The following GSAP variants were observed in gnomAD, a reference collection of about 807,000 sequenced individuals.
The protein encoded by GSAP is gamma-secretase-activating protein.
In GSAP, 118 loss-of-function variants were observed where a neutral mutation model predicts 131.7. The ratio of observed to expected loss-of-function variants is 0.90; its 90% CI spans 0.77 to 1.04. The LOEUF is 1.04. GSAP is among the 50% of genes least tolerant of loss of function. The pLI, the probability that GSAP is intolerant of heterozygous loss-of-function variation, is 0.00. For synonymous variants in GSAP, 381 were observed against 363.4 expected (o/e 1.05, Z -0.55); for missense variants, 1,019 against 1,013.2 (o/e 1.01, Z -0.08).
At position 77,362,573 on chromosome 7, in the gene GSAP, T is replaced by A; in HGVS notation, c.949+10A>T. 7.0e-7 allele frequency: 1 copy of A among 1,427,840 alleles called. No individual in the cohort carries two copies. Among genetic ancestry groups the A allele is most frequent in the Non-Finnish European group, 9.9e-7 (1 of 1,012,946 alleles). The allele number at this position is 1,427,840 out of a possible 1,614,324, so 88.4% of individuals were successfully genotyped here. A position where few individuals can be genotyped will look rare whatever the true frequency, so the allele number is the denominator to read the frequency against. On this transcript the variant is annotated intron_variant, in intron 13 of 30. Transcript: ENST00000257626. Reference sequence around the variant, plus strand: ...TTATGTAAAAGTAACAAAGAAGACATGAAAAGTACCTTTATGAATGTAAAA... The same window carrying A: ...TTATGTAAAAGTAACAAAGAAGACAAGAAAAGTACCTTTATGAATGTAAAA...
At position 77,353,925 on chromosome 7, in the gene GSAP, T is replaced by C. The variant is rs764828423; in HGVS notation, c.1339-284A>G. On this transcript the variant is annotated intron_variant, in intron 16 of 30. Transcript: ENST00000257626. ...CTAACGTTTGTGCAAGAATAGGTCATGTTATAGCAAAGCACCAGTGGAAAG... is the reference window on the plus strand; with the variant it reads ...CTAACGTTTGTGCAAGAATAGGTCACGTTATAGCAAAGCACCAGTGGAAAG... Among the ~76,000 whole-genome samples the C allele has an allele frequency of 7.9e-5, 12 of 152,250 alleles. No homozygotes were observed. In the Middle Eastern group the frequency reaches 0.01, roughly 129 times the overall value.
intron 3 of GSAP, among the ~76,000 whole-genome samples, chr7:77,401,189 T>C: frequency 6.6e-6 from 1 of 152,050 alleles, no homozygotes; most frequent in Non-Finnish European, 1.5e-5. Context: ...CAAGAAATAT[T>C]GGCTAATGAC....
At chr7:77,396,090 A>C (rs907835687) in intron 5 of GSAP, among the ~76,000 whole-genome samples, 2 of 152,218 alleles carry the variant, frequency 1.3e-5, no homozygotes, top group Non-Finnish European at 2.9e-5. Context: ...AGCCAGTTCC[A>C]CTGGACTTGC....
chr7:77,369,274 T>C, intron 12 of GSAP, among the ~76,000 whole-genome samples: 1 of 152,198 alleles, frequency 6.6e-6, no homozygotes, highest in East Asian at 1.9e-4. Context: ...TAGTAAGATA[T>C]GCTTTCAATG....
intron 6 of GSAP, among the ~76,000 whole-genome samples, chr7:77,385,243 A>C (rs1798391056): frequency 6.6e-6 from 1 of 152,110 alleles, no homozygotes; most frequent in Admixed American, 6.5e-5. Context: ...CACGTTGGCC[A>C]GGCTGGTCTC....
At chr7:77,333,953 C>T (rs555496232) in intron 19 of GSAP, among the ~76,000 whole-genome samples, 2 of 152,288 alleles carry the variant, frequency 1.3e-5, no homozygotes, top group Non-Finnish European at 2.9e-5. Flanking sequence ...AATAGAAATG[C>T]TTTCACACTG....
intron 19 of GSAP, among the ~76,000 whole-genome samples, chr7:77,334,914 C>G (rs1367547117): frequency 1.3e-5 from 2 of 151,656 alleles, no homozygotes; most frequent in African/African-American, 4.8e-5. Context: ...GAAACCCCGT[C>G]TCTACTAAAA....
At chr7:77,317,456 ACATGG>A (rs2150598367) in intron 26 of GSAP, among the ~76,000 whole-genome samples, 1 of 152,304 alleles carries the variant, frequency 6.6e-6, no homozygotes, top group South Asian at 2.1e-4. Context: ...CAGCAAACCA[ACATGG>A]CACATGTATA....
intron 4 of GSAP, 124 bp downstream of exon 4, chr7:77,397,222 A>G: frequency 2.7e-6 from 2 of 741,540 alleles, no homozygotes; most frequent in Non-Finnish European, 4.5e-6. Flanking sequence ...TAACTTCTCA[A>G]GAACATTTCT....
Position 77,406,045 on chromosome 7 carries a change from A to G in GSAP, c.170T>C (p.Ile57Thr), listed in dbSNP as rs192890969. 36 of 1,017,626 alleles carry G rather than the reference A, an allele frequency of 3.5e-5. No homozygotes were observed. The highest frequency in any genetic ancestry group is 4.6e-5 in the Non-Finnish European group (34 of 738,440). 63.0% of individuals were successfully genotyped at this position (1,017,626 alleles called of 1,614,324 possible). A position where few individuals can be genotyped will look rare whatever the true frequency, so the allele number is the denominator to read the frequency against. ...TAGACATACCTTATAGGTATAAATAATATTTCCATTTCTTTCAACATTTAA... is the reference window on the plus strand; with the variant it reads ...TAGACATACCTTATAGGTATAAATAGTATTTCCATTTCTTTCAACATTTAA... The part of the protein sequence containing the change: ...HVLNVERNGN[I>T]IYTYKDDKGN... Residue 57 changes from isoleucine (I) to threonine (T), a missense_variant, in exon 2 of 31, where the codon ATT becomes ACT. Physicochemically the swap from Ile to Thr is moderately conservative, Grantham distance 89 (BLOSUM62 -1). Coordinates refer to ENST00000257626, the MANE Select transcript of GSAP (RefSeq NM_017439.4).
intron 6 of GSAP, among the ~76,000 whole-genome samples, chr7:77,383,811 C>T (rs1798133740): frequency 6.6e-6 from 1 of 152,208 alleles, no homozygotes. Context: ...AAGGGCACAA[C>T]TTTTATGTCC....
chr7:77,311,454 A>G lies in GSAP; in HGVS notation c.2474-5T>C, dbSNP rs548724987. On this transcript the variant is annotated splice_polypyrimidine_tract_variant and splice_region_variant and intron_variant, in intron 30 of 30. Coordinates refer to ENST00000257626, the MANE Select transcript of GSAP (RefSeq NM_017439.4). The stretch of plus-strand genomic sequence containing the variant: ...GTCCTTCAAAAGGATACAGGGCTGG[A>G]AAAAAATGGGGAGAGGGCAGGGAAA... 28 of 1,553,922 alleles carry G rather than the reference A, an allele frequency of 1.8e-5. No homozygotes were observed. The East Asian group carries it at 4.3e-4, about 24-fold the overall frequency.
chr7:77,324,653 T>G (rs1788083460), intron 23 of GSAP, among the ~76,000 whole-genome samples: 1 of 152,180 alleles, frequency 6.6e-6, no homozygotes, highest in African/African-American at 2.4e-5. Context: ...TAAAAGATGC[T>G]TTCTGTGTAA....
chr7:77,364,478 C>A (rs6970534), intron 12 of GSAP, among the ~76,000 whole-genome samples: 5,505 of 134,928 alleles, frequency 0.041, 346 homozygotes, highest in African/African-American at 0.14. Flanking sequence ...ACAATGAGAA[C>A]ACATGGACAC....
chr7:77,391,886 T>C (rs925861943), intron 5 of GSAP, among the ~76,000 whole-genome samples: 1 of 151,992 alleles, frequency 6.6e-6, no homozygotes, highest in African/African-American at 2.4e-5. Flanking sequence ...ACTTCTACAA[T>C]CCCTTTCAGC....
intron 3 of GSAP, among the ~76,000 whole-genome samples, chr7:77,398,700 C>A (rs953521579): frequency 4.4e-4 from 67 of 151,982 alleles, no homozygotes; most frequent in Admixed American, 4.4e-3. Flanking sequence ...CCCAGGAGGT[C>A]AAGACTGCTG....
At chr7:77,399,658 C>G (rs1265516005) in intron 3 of GSAP, among the ~76,000 whole-genome samples, 1 of 151,296 alleles carries the variant, frequency 6.6e-6, no homozygotes, top group African/African-American at 2.4e-5. Flanking sequence ...ACACTGCTTC[C>G]CATTTGCATA....
At chr7:77,363,091 T>C (rs556781467) in intron 12 of GSAP, among the ~76,000 whole-genome samples, 45 of 152,352 alleles carry the variant, frequency 3.0e-4, no homozygotes, top group African/African-American at 9.9e-4. Flanking sequence ...CTCTAGTTTA[T>C]CTTGATTGAA....
chr7:77,312,122 C>G lies in GSAP; in HGVS notation c.2352G>C (p.Leu784=). ...NIISRNHVTR[L]LQNYKKQPRN... is the part of the protein sequence containing the mutation. ...TCACCTGTTTCTTATAGTTCTGAAG[C>G]AGTCGCGTCACGTGGTTCCGCGAAA... Residue 784 remains leucine, a synonymous_variant, in exon 29 of 31, where the codon CTG becomes CTC. Transcript: ENST00000257626. 1 of 1,596,200 alleles carries G rather than the reference C, an allele frequency of 6.3e-7. No homozygotes were observed. Among genetic ancestry groups the G allele is most frequent in the East Asian group, 2.2e-5 (1 of 44,726 alleles).
Sources: allele counts gnomAD v4.1 joint callset (sites outside exome capture counted in the v4.1 genomes callset), GRCh38; gene constraint gnomAD v4.1.1; transcripts MANE v1.5; gene names NCBI Gene and HGNC (gene_info 2026-07-23, HGNC 2026-07-21).